Variants in HDAC7 observed in about 807,000 individuals in gnomAD.
HDAC7 encodes histone deacetylase 7.
HDAC7 carries 26 observed loss-of-function variants against 115.5 expected under a neutral mutation model. The ratio of observed to expected loss-of-function variants is 0.23; its 90% confidence interval spans 0.16 to 0.31. HDAC7 has a LOEUF of 0.31. HDAC7 is among the 10% of genes least tolerant of loss of function. The probability of loss-of-function intolerance (pLI) is 1.00; values close to 1 mark genes in which losing one functional copy is unlikely to be tolerated. For missense variants in HDAC7, 1,068 were observed against 1,329.0 expected, an observed-to-expected ratio of 0.80 and a Z score of 3.05; for synonymous variants, 564 against 550.9, an observed-to-expected ratio of 1.02 and a Z score of -0.33.
rs778982959 is a variant in HDAC7, at chr12:47,795,788, G to A, written c.907-21C>T. 2.6e-6 allele frequency: 4 copies of A among 1,519,030 alleles called. No individual in the cohort carries two copies. The highest frequency in any genetic ancestry group is 3.5e-6 in the Non-Finnish European group (4 of 1,129,898). 94.1% of individuals were successfully genotyped at this position (1,519,030 alleles called of 1,614,324 possible). ...TCAGCCTGGGGGAGAGGCGGGAGAA[G>A]TCACGGGGAAGAAGATTCCAGCAGA... On this transcript the variant is annotated intron_variant, in intron 9 of 25. Transcript: ENST00000080059. The surrounding 1 kb of genome is among the most constrained non-coding windows in gnomAD (Gnocchi z 4.3).
Position 47,793,335 on chromosome 12 carries a change from C to A in HDAC7, c.1678+34G>T. 7.5e-7 allele frequency: 1 copy of A among 1,332,074 alleles called. No individual in the cohort carries two copies. The highest frequency in any genetic ancestry group is 1.4e-5 in the South Asian group (1 of 72,054). 82.5% of individuals were successfully genotyped at this position (1,332,074 alleles called of 1,614,324 possible). On this transcript the variant is annotated intron_variant, in intron 13 of 25. Transcript: ENST00000080059. The surrounding 1 kb of genome is among the most constrained non-coding windows in gnomAD (Gnocchi z 4.5). ...CACATGGACTCGTGCAGCCGAGCCC[C>A]TCCCTCCACCCGCCACCCTCCTCCC...
intron 16 of HDAC7, chr12:47,790,875 CCAGGCTGAGGTACCCCAA>C: frequency 3.5e-6 from 1 of 289,324 alleles, no homozygotes; most frequent in Non-Finnish European, 6.6e-6. Flanking sequence ...GGTCTGGGGA[CCAGGCTGAGGTACCCCAA>C]CTTGCCACTT....
intron 17 of HDAC7, 88 bp downstream of exon 17, chr12:47,789,725 G>C: frequency 2.2e-6 from 3 of 1,359,050 alleles, no homozygotes; most frequent in Non-Finnish European, 3.2e-6. Context: ...AGAGGAATGC[G>C]ATGCCTGGGG....
At chr12:47,790,297 C>T (rs1044368795) in intron 16 of HDAC7, 5 of 237,910 alleles carry the variant, frequency 2.1e-5, no homozygotes, top group East Asian at 1.8e-4. Flanking sequence ...CTGGAGGGGC[C>T]GTCTGCACCA....
chr12:47,806,763 G>A (rs1324064754), intron 1 of HDAC7, among the ~76,000 whole-genome samples: 1 of 152,116 alleles, frequency 6.6e-6, no homozygotes, highest in East Asian at 1.9e-4. Context: ...TGCTGTCTGT[G>A]ATGCACCCAG....
intron 1 of HDAC7, chr12:47,802,597 A>G: frequency 1.1e-6 from 1 of 925,690 alleles, no homozygotes; most frequent in East Asian, 2.7e-5. Flanking sequence ...GTGGTCAGAT[A>G]CAATCTTCCC....
intron 1 of HDAC7, among the ~76,000 whole-genome samples, chr12:47,804,280 C>T (rs570237158): frequency 9.9e-5 from 15 of 152,228 alleles, no homozygotes; most frequent in Admixed American, 2.0e-4. Flanking sequence ...GCTTTTCCCC[C>T]GCTCCCTGGC....
Position 47,795,062 on chromosome 12 carries a change from G to T in HDAC7, c.1284+122C>A. On this transcript the variant is annotated intron_variant, in intron 11 of 25. Transcript: ENST00000080059. The surrounding 1 kb of genome is among the most constrained non-coding windows in gnomAD (Gnocchi z 4.3). ...GCTGCCATGCAGCTCTGGGCCCCAA[G>T]AAGCCACATCCCCCTCTTTTGCCCT... 1 of 1,319,770 alleles carries T rather than the reference G, an allele frequency of 7.6e-7. No homozygotes were observed. Among genetic ancestry groups the T allele is most frequent in the South Asian group, 1.4e-5 (1 of 73,244 alleles). 81.8% of individuals were successfully genotyped at this position (1,319,770 alleles called of 1,614,324 possible). A position where few individuals can be genotyped will look rare whatever the true frequency, so the allele number is the denominator to read the frequency against.
chr12:47,817,275 T>C (rs12814620), intron 1 of HDAC7, among the ~76,000 whole-genome samples: 2 of 152,076 alleles, frequency 1.3e-5, no homozygotes, highest in Non-Finnish European at 2.9e-5. Context: ...GAAGCAGTCT[T>C]AAGCAGAAAC....
intron 12 of HDAC7, among the ~76,000 whole-genome samples, chr12:47,794,264 G>A (rs182689523): frequency 6.6e-4 from 101 of 152,342 alleles, no homozygotes; most frequent in Middle Eastern, 3.4e-3. Flanking sequence ...CCAACACCTC[G>A]ATTTTGACTT....
At chr12:47,815,880 G>A (rs11168251) in intron 1 of HDAC7, among the ~76,000 whole-genome samples, 23,497 of 148,692 alleles carry the variant, frequency 0.16, 2,448 homozygotes, top group Non-Finnish European at 0.23. Flanking sequence ...CAAAGCCACC[G>A]CGTCCAGCCA....
Position 47,791,599 on chromosome 12 carries a change from G to A in HDAC7, c.1920C>T (p.Asn640=), listed in dbSNP as rs138164422. 83 of 1,609,180 alleles carry A rather than the reference G, an allele frequency of 5.2e-5. No homozygotes were observed. The highest frequency in any genetic ancestry group is 1.7e-4 in the African/African-American group (13 of 74,860). ...TNPLSRLKLD[N]GKLAGLLAQR... ...CTAGGCCATTACCTGCCAGCTTCCC[G>A]TTGTCCAGTTTGAGGCGGCTGAGCG... Residue 640 remains asparagine, a synonymous_variant, in exon 15 of 26, where the codon AAC becomes AAT. Coordinates refer to ENST00000080059, the MANE Select transcript of HDAC7 (RefSeq NM_015401.5).
At chr12:47,788,456 T>C (rs1045253071) in intron 19 of HDAC7, 13 of 265,118 alleles carry the variant, frequency 4.9e-5, no homozygotes, top group African/African-American at 2.9e-4. Flanking sequence ...GGACATGGGG[T>C]TAGTGGCAAG....
intron 15 of HDAC7, 23 bp from the exon 16 acceptor site, chr12:47,791,331 C>G: frequency 6.4e-7 from 1 of 1,559,912 alleles, no homozygotes; most frequent in Non-Finnish European, 8.7e-7. Context: ...GCCCAGCCCA[C>G]GTCAGCGTGA....
At chr12:47,814,753 T>A (rs1196528235) in intron 1 of HDAC7, among the ~76,000 whole-genome samples, 1 of 152,138 alleles carries the variant, frequency 6.6e-6, no homozygotes, top group Non-Finnish European at 1.5e-5. Flanking sequence ...TCCAGGGAGT[T>A]CACAAGCACG....
chr12:47,784,840 A>C (rs1430809660), intron 24 of HDAC7: 1 of 1,455,350 alleles, frequency 6.9e-7, no homozygotes. Flanking sequence ...CATTATGTAA[A>C]GACATCACGG....
intron 15 of HDAC7, 78 bp downstream of exon 15, chr12:47,791,508 G>C: frequency 6.6e-7 from 1 of 1,522,508 alleles, no homozygotes; most frequent in South Asian, 1.2e-5. Flanking sequence ...CTGGCTGGGC[G>C]GGCAGAGCCG....
intron 1 of HDAC7, among the ~76,000 whole-genome samples, chr12:47,807,768 C>T (rs1944465547): frequency 6.6e-6 from 1 of 152,176 alleles, no homozygotes; most frequent in African/African-American, 2.4e-5. Context: ...TCATTTGGAG[C>T]AACTGTTGAC....
chr12:47,795,075 C>T lies in HDAC7; in HGVS notation c.1284+109G>A. The T allele has an allele frequency of 7.7e-7, 1 of 1,304,904 alleles. No homozygotes were observed. The highest frequency in any genetic ancestry group is 1.4e-5 in the South Asian group (1 of 72,978). The allele number at this position is 1,304,904 out of a possible 1,614,324, so 80.8% of individuals were successfully genotyped here. A position where few individuals can be genotyped will look rare whatever the true frequency, so the allele number is the denominator to read the frequency against. ...TCTGGGCCCCAAGAAGCCACATCCC[C>T]CTCTTTTGCCCTCCAGTTCCCTGCC... On this transcript the variant is annotated intron_variant, in intron 11 of 25. Coordinates refer to ENST00000080059, the MANE Select transcript of HDAC7 (RefSeq NM_015401.5). This position sits in a 1 kb window ranked among gnomAD's most constrained non-coding sequence, Gnocchi z 4.3.
Sources: gnomAD v4.1 joint callset for allele counts (sites outside exome capture counted in the v4.1 genomes callset) on GRCh38, gnomAD v4.1.1 for gene constraint, Gnocchi (gnomAD v3.1) non-coding constraint, MANE v1.5 for transcripts, NCBI Gene and HGNC (gene_info 2026-07-23, HGNC 2026-07-21) for gene names.